The following KHDRBS2 variants were observed in gnomAD, a reference collection of about 807,000 sequenced individuals.
KHDRBS2 encodes the protein KH domain-containing, RNA-binding, signal transduction-associated protein 2.
In KHDRBS2, 26 loss-of-function variants were observed where a neutral mutation model predicts 44.3. The ratio of observed to expected loss-of-function variants is 0.59; its 90% CI spans 0.43 to 0.81. The LOEUF (loss-of-function observed/expected upper bound fraction) is 0.81, where lower values mean the gene tolerates loss of function less well. Among genes scored for constraint, KHDRBS2 ranks in the 40% least tolerant of loss-of-function variants. The probability of loss-of-function intolerance (pLI) is 0.00; values close to 1 mark genes in which losing one functional copy is unlikely to be tolerated. For missense variants in KHDRBS2, 476 were observed against 433.1 expected, an observed-to-expected ratio of 1.10 and a Z score of -0.88; for synonymous variants, 194 against 151.1, an observed-to-expected ratio of 1.28 and a Z score of -2.08.
chr6:61,989,167 T>C (rs1434417411), intron 3 of KHDRBS2, among the ~76,000 whole-genome samples: 2 of 152,174 alleles, frequency 1.3e-5, no homozygotes, highest in African/African-American at 4.8e-5. Flanking sequence ...CCTTTTGAAA[T>C]ATATATAAAC....
intron 5 of KHDRBS2, among the ~76,000 whole-genome samples, chr6:61,895,278 G>A (rs1227380629): frequency 6.6e-6 from 1 of 151,992 alleles, no homozygotes; most frequent in Non-Finnish European, 1.5e-5. Flanking sequence ...TCTCCTTTAT[G>A]CTGGGGATTA....
chr6:61,564,200 T>C, the KHDRBS2 span, among the ~76,000 whole-genome samples: 2 of 152,126 alleles, frequency 1.3e-5, no homozygotes, highest in East Asian at 3.9e-4. Flanking sequence ...TGGCAATTCA[T>C]TTAAGTTCAA....
rs1330864759 is a variant in KHDRBS2, at chr6:62,065,613, T to C, written c.220-17619A>G. 2.5e-3 allele frequency among the ~76,000 whole-genome samples: 296 copies of C among 119,972 alleles called. 3 individuals are homozygous for C. The highest frequency in any genetic ancestry group is 8.9e-3 in the African/African-American group (272 of 30,434). The allele number at this position is 119,972 out of a possible 152,430, so 78.7% of individuals were successfully genotyped here. Reference sequence around the variant, plus strand: ...TCACATGGACACAGGAATGGGAATATCACACTCTGGGGACTGTGGTGGGGT... The same window carrying C: ...TCACATGGACACAGGAATGGGAATACCACACTCTGGGGACTGTGGTGGGGT... On this transcript the variant is annotated intron_variant, in intron 2 of 8. Coordinates refer to ENST00000281156, the MANE Select transcript of KHDRBS2 (RefSeq NM_152688.4).
intron 4 of KHDRBS2, among the ~76,000 whole-genome samples, chr6:61,951,283 G>A (rs13212588): frequency 6.6e-6 from 1 of 151,738 alleles, no homozygotes; most frequent in African/African-American, 2.4e-5. Context: ...TGTGCAAAAA[G>A]GAAGTAAATT....
chr6:62,227,239 T>A (rs1249560959), intron 1 of KHDRBS2, among the ~76,000 whole-genome samples: 1 of 152,202 alleles, frequency 6.6e-6, no homozygotes, highest in Non-Finnish European at 1.5e-5. Flanking sequence ...GTCCTTCACA[T>A]CCCTGGTTAG....
At chr6:61,969,408 T>G (rs1423913466) in intron 4 of KHDRBS2, among the ~76,000 whole-genome samples, 1 of 152,060 alleles carries the variant, frequency 6.6e-6, no homozygotes, top group Non-Finnish European at 1.5e-5. Context: ...GGGTTTCTTT[T>G]GTTGTAACAA....
intron 2 of KHDRBS2, among the ~76,000 whole-genome samples, chr6:62,097,147 C>A (rs1448845736): frequency 1.3e-5 from 2 of 151,232 alleles, no homozygotes; most frequent in Non-Finnish European, 3.0e-5. Context: ...TATGGTTTTC[C>A]ATATGACCTA....
the KHDRBS2 span, among the ~76,000 whole-genome samples, chr6:61,658,895 T>G: frequency 1.3e-5 from 2 of 151,952 alleles, no homozygotes; most frequent in Non-Finnish European, 2.9e-5. Flanking sequence ...TCCACACTTT[T>G]TATTTGAAAA....
At chr6:62,280,204 G>T (rs1841602902) in intron 1 of KHDRBS2, among the ~76,000 whole-genome samples, 1 of 152,194 alleles carries the variant, frequency 6.6e-6, no homozygotes, top group African/African-American at 2.4e-5. Context: ...GATGCTTCTG[G>T]AGAGGTAAGC....
At chr6:62,085,205 A>G (rs1026052049) in intron 2 of KHDRBS2, among the ~76,000 whole-genome samples, 1 of 152,166 alleles carries the variant, frequency 6.6e-6, no homozygotes, top group Non-Finnish European at 1.5e-5. Context: ...TATTTGAGAC[A>G]CAAAACATGG....
At chr6:61,592,185 C>T in the KHDRBS2 span, among the ~76,000 whole-genome samples, 1 of 38,994 alleles carries the variant, frequency 2.6e-5, no homozygotes, top group Non-Finnish European at 4.3e-5. Flanking sequence ...AGCAAGATCC[C>T]ACCAAAAAAA....
At chr6:61,614,132 A>T in the KHDRBS2 span, among the ~76,000 whole-genome samples, 1 of 152,108 alleles carries the variant, frequency 6.6e-6, no homozygotes, top group East Asian at 1.9e-4. Flanking sequence ...AATAGTGAGA[A>T]CCTCACTACT....
At chr6:62,165,286 T>C (rs1459739591) in intron 2 of KHDRBS2, among the ~76,000 whole-genome samples, 2 of 150,436 alleles carry the variant, frequency 1.3e-5, no homozygotes, top group East Asian at 3.9e-4. Flanking sequence ...CATTGGCGCT[T>C]AATTTTAATT....
intron 2 of KHDRBS2, among the ~76,000 whole-genome samples, chr6:62,105,010 A>G (rs1429488697): frequency 2.0e-5 from 3 of 152,138 alleles, no homozygotes; most frequent in Non-Finnish European, 4.4e-5. Flanking sequence ...TATCATAAAC[A>G]ATGCTGTGTC....
At chr6:61,743,317 G>T (rs895132036) in intron 6 of KHDRBS2, among the ~76,000 whole-genome samples, 4 of 151,982 alleles carry the variant, frequency 2.6e-5, no homozygotes, top group African/African-American at 9.7e-5. Flanking sequence ...CTACTTAACA[G>T]ATTAGGAAAA....
chr6:62,185,967 T>C (rs1465324561), intron 1 of KHDRBS2, among the ~76,000 whole-genome samples: 1 of 152,022 alleles, frequency 6.6e-6, no homozygotes, highest in East Asian at 1.9e-4. Flanking sequence ...AACAAGTCAC[T>C]TAAGCTTTCT....
intron 1 of KHDRBS2, among the ~76,000 whole-genome samples, chr6:62,231,066 G>A (rs1183248029): frequency 1.3e-5 from 2 of 152,132 alleles, no homozygotes; most frequent in East Asian, 3.9e-4. Flanking sequence ...CTCATTTAGG[G>A]GAGATTAACA....
the KHDRBS2 span, among the ~76,000 whole-genome samples, chr6:61,578,823 T>C: frequency 1.3e-5 from 2 of 152,146 alleles, no homozygotes; most frequent in African/African-American, 2.4e-5. Flanking sequence ...TCTTTTTCTT[T>C]CCTCATTGTC....
chr6:61,737,460 A>T (rs1775540698), intron 6 of KHDRBS2, among the ~76,000 whole-genome samples: 1 of 152,168 alleles, frequency 6.6e-6, no homozygotes. Flanking sequence ...TAGTACTGCA[A>T]AACAGTAAAC....
Sources: gnomAD v4.1 joint callset for allele counts (sites outside exome capture counted in the v4.1 genomes callset) on GRCh38, gnomAD v4.1.1 for gene constraint, MANE v1.5 for transcripts, NCBI Gene and HGNC (gene_info 2026-07-23, HGNC 2026-07-21) for gene names.